The following NAV2 variants were observed in gnomAD, a reference collection of about 807,000 sequenced individuals.
NAV2 encodes the protein helicase, APC down-regulated 1.
In NAV2, 54 loss-of-function variants were observed where a neutral mutation model predicts 223.2. The ratio of observed to expected loss-of-function variants is 0.24; its 90% CI spans 0.19 to 0.30. The LOEUF (loss-of-function observed/expected upper bound fraction) is 0.30, where lower values mean the gene tolerates loss of function less well. NAV2 is among the 10% of genes least tolerant of loss of function. The probability of loss-of-function intolerance (pLI) is 1.00; values close to 1 mark genes in which losing one functional copy is unlikely to be tolerated. For missense variants in NAV2, 2,806 were observed against 3,147.5 expected (o/e 0.89, Z 2.60); for synonymous variants, 1,279 against 1,239.3 (o/e 1.03, Z -0.67).
intron 11 of NAV2, among the ~76,000 whole-genome samples, chr11:20,002,452 C>G (rs955675128): frequency 1.3e-5 from 2 of 152,098 alleles, no homozygotes; most frequent in African/African-American, 4.8e-5. Context: ...TCAGTGCGTT[C>G]AGATTCAGAG....
At chr11:20,004,263 G>T (rs2052828769) in intron 11 of NAV2, among the ~76,000 whole-genome samples, 1 of 152,200 alleles carries the variant, frequency 6.6e-6, no homozygotes, top group Non-Finnish European at 1.5e-5. Context: ...ATGCCAAAAG[G>T]TGGTAAGCTT....
intron 11 of NAV2, among the ~76,000 whole-genome samples, chr11:20,034,416 G>T (rs1369521756): frequency 7.0e-6 from 1 of 142,060 alleles, no homozygotes; most frequent in Non-Finnish European, 1.5e-5. Context: ...GTCTTACTCT[G>T]TTGCCCAGGC....
intron 3 of NAV2, among the ~76,000 whole-genome samples, chr11:19,860,624 G>C (rs1298777776): frequency 1.3e-5 from 2 of 151,804 alleles, no homozygotes; most frequent in Non-Finnish European, 3.0e-5. Context: ...CTTCCCAGAC[G>C]GGGTGGCGGC....
At chr11:19,544,668 G>T (rs528054176) in intron 1 of NAV2, among the ~76,000 whole-genome samples, 1 of 152,274 alleles carries the variant, frequency 6.6e-6, no homozygotes, top group African/African-American at 2.4e-5. Flanking sequence ...TCACCCCCTG[G>T]CTGCTTACCT....
At chr11:19,485,342 A>T (rs2042407697) in intron 1 of NAV2, among the ~76,000 whole-genome samples, 1 of 152,168 alleles carries the variant, frequency 6.6e-6, no homozygotes, top group Non-Finnish European at 1.5e-5. Flanking sequence ...GAGATATCCA[A>T]CTGGGTTTCA....
At chr11:20,038,654 C>T (rs887572643) in intron 12 of NAV2, among the ~76,000 whole-genome samples, 9 of 152,198 alleles carry the variant, frequency 5.9e-5, no homozygotes, top group Non-Finnish European at 8.8e-5. Context: ...GCTGCGCCTT[C>T]TATGCTGTGG....
chr11:19,397,376 G>A (rs991591400), intron 1 of NAV2, among the ~76,000 whole-genome samples: 1 of 141,256 alleles, frequency 7.1e-6, no homozygotes, highest in African/African-American at 2.5e-5. Context: ...CTACTGTGTA[G>A]AGAATTGGAT....
chr11:19,939,027 G>C (rs759441916), intron 7 of NAV2, among the ~76,000 whole-genome samples: 13 of 152,214 alleles, frequency 8.5e-5, no homozygotes, highest in Non-Finnish European at 1.6e-4. Context: ...GCATGAAGCT[G>C]TTGCTTCAAT....
At chr11:20,114,911 G>C (rs2062930131) in intron 37 of NAV2, 116 bp downstream of exon 37, 2 of 1,067,872 alleles carry the variant, frequency 1.9e-6, no homozygotes, top group Admixed American at 2.6e-5. Flanking sequence ...GCTTTGGAAG[G>C]CTGGACCCAA....
chr11:19,496,148 C>CTATTTTTCTCAAGA (rs1272120219), intron 1 of NAV2, among the ~76,000 whole-genome samples: 1 of 152,182 alleles, frequency 6.6e-6, no homozygotes, highest in Non-Finnish European at 1.5e-5. Flanking sequence ...CACAAAGTGA[C>CTATTTTTCTCAAGA]TATTTTTCTC....
intron 10 of NAV2, among the ~76,000 whole-genome samples, chr11:19,965,238 G>A (rs2048674169): frequency 6.6e-6 from 1 of 152,196 alleles, no homozygotes; most frequent in African/African-American, 2.4e-5. Context: ...TGGTGAGCTA[G>A]GGAGCTGGGA....
intron 6 of NAV2, among the ~76,000 whole-genome samples, chr11:19,910,477 A>T (rs2043212906): frequency 6.6e-6 from 1 of 152,188 alleles, no homozygotes; most frequent in Non-Finnish European, 1.5e-5. Flanking sequence ...TTAAAGGAAG[A>T]GTATGAAGTT....
chr11:19,876,932 ATATATATT>A (rs1236982131), intron 4 of NAV2, among the ~76,000 whole-genome samples: 2 of 145,110 alleles, frequency 1.4e-5, no homozygotes, highest in Admixed American at 7.1e-5. Flanking sequence ...AAATATATTT[ATATATATT>A]TATATATTTA....
At chr11:19,859,899 C>T (rs1332225514) in intron 3 of NAV2, among the ~76,000 whole-genome samples, 67 of 95,762 alleles carry the variant, frequency 7.0e-4, no homozygotes, top group African/African-American at 2.4e-3. Flanking sequence ...CCGGACGGGG[C>T]GGCTGGCCGG....
chr11:19,678,954 G>GT (rs1258396385), intron 1 of NAV2, among the ~76,000 whole-genome samples: 1 of 152,212 alleles, frequency 6.6e-6, no homozygotes, highest in Non-Finnish European at 1.5e-5. Flanking sequence ...CAGATCAGCT[G>GT]TGGCATCTGT....
chr11:19,810,117 G>A (rs2058769579), intron 1 of NAV2, among the ~76,000 whole-genome samples: 2 of 152,068 alleles, frequency 1.3e-5, no homozygotes, highest in Admixed American at 1.3e-4. Context: ...TATTTATTTA[G>A]TCAATCATTT....
At chr11:19,589,664 G>A (rs2046001119) in intron 1 of NAV2, among the ~76,000 whole-genome samples, 2 of 152,204 alleles carry the variant, frequency 1.3e-5, no homozygotes, top group African/African-American at 2.4e-5. Flanking sequence ...AGAGCAGCAG[G>A]TGGGAAGTGA....
rs559290741 is a variant in NAV2 at position 19,878,440 on chromosome 11, C to A, written c.512-1429C>A. 2.0e-5 allele frequency among the ~76,000 whole-genome samples: 3 copies of A among 152,266 alleles called. No individual in the cohort carries two copies. In the South Asian group the frequency reaches 6.2e-4, roughly 32 times the overall value. On this transcript the variant is annotated intron_variant, in intron 4 of 37. Coordinates refer to ENST00000349880, the MANE Select transcript of NAV2 (RefSeq NM_145117.5). ...GTGGGGCAAAGCGGTGTCCGTATTG[C>A]CCTTTTACTGAGGCCCGGAGAGATT...
chr11:19,548,876 C>CAA (rs10709105), intron 1 of NAV2, among the ~76,000 whole-genome samples: 2,511 of 78,568 alleles, frequency 0.032, 148 homozygotes, highest in African/African-American at 0.1. Context: ...GGCTCCGTCT[C>CAA]AAAAAAAAAA....
Sources: allele counts gnomAD v4.1 joint callset (sites outside exome capture counted in the v4.1 genomes callset), GRCh38; gene constraint gnomAD v4.1.1; transcripts MANE v1.5; gene names NCBI Gene and HGNC (gene_info 2026-07-23, HGNC 2026-07-21).